The following CALCR variants were observed in gnomAD, a reference collection of about 807,000 sequenced individuals.
CALCR encodes the protein calcitonin receptor.
In CALCR, 47 loss-of-function variants were observed where a neutral mutation model predicts 59.5. That is an observed-to-expected ratio of 0.79 (90% CI 0.63 to 1.01). The LOEUF is 1.01. CALCR is among the 50% of genes least tolerant of loss of function. CALCR has a pLI of 0.00. For missense variants in CALCR, 566 were observed against 597.1 expected (o/e 0.95, Z 0.54); for synonymous variants, 213 against 211.3 (o/e 1.01, Z -0.07).
intron 3 of CALCR, among the ~76,000 whole-genome samples, chr7:93,481,346 A>G (rs1800792382): frequency 6.6e-6 from 1 of 151,748 alleles, no homozygotes; most frequent in African/African-American, 2.4e-5. Context: ...GGGGGCAGCC[A>G]GGAAGTTGAA....
At chr7:93,544,932 T>TCATTTCATGCTGAGCAGCAGGAAAG (rs1789246037) in intron 2 of CALCR, among the ~76,000 whole-genome samples, 1 of 152,176 alleles carries the variant, frequency 6.6e-6, no homozygotes, top group South Asian at 2.1e-4. Context: ...AAGGCCACTG[T>TCATTTCATGCTGAGCAGCAGGAAAG]GCAGCTTTCC....
In CALCR at chr7:93,488,582, G is replaced by GCAAAAAAAAAAAA. The variant is rs770479251; in HGVS notation, c.-26-1576_-26-1575insTTTTTTTTTTTTG. Among the ~76,000 whole-genome samples, 374 of 77,936 alleles carry GCAAAAAAAAAAAA rather than the reference G, an allele frequency of 4.8e-3. 60 individuals carry two copies. The highest frequency in any genetic ancestry group is 8.9e-3 in the Middle Eastern group (1 of 112). 51.1% of individuals were successfully genotyped at this position (77,936 alleles called of 152,430 possible). On this transcript the variant is annotated intron_variant, in intron 2 of 13. Transcript: ENST00000426151. ...GGAAAATTTACCAAGCAAATGGAAA[G>GCAAAAAAAAAAAA]AAAAAAAAAAAAAAAAAAAGCATGG...
intron 2 of CALCR, among the ~76,000 whole-genome samples, chr7:93,503,362 G>A (rs1432046597): frequency 6.6e-6 from 1 of 151,904 alleles, no homozygotes; most frequent in East Asian, 1.9e-4. Flanking sequence ...AACATATCAT[G>A]AATACATATG....
chr7:93,477,587 G>T lies in CALCR; in HGVS notation c.287C>A (p.Pro96Gln). The T allele has an allele frequency of 6.2e-7, 1 of 1,610,694 alleles. No homozygotes were observed. Among genetic ancestry groups the T allele is most frequent in the South Asian group, 1.1e-5 (1 of 90,944 alleles). Residue 96 changes from proline to glutamine, a missense_variant, in exon 5 of 14, where the codon CCA becomes CAA. By Grantham distance (76) the Pro-to-Gln change is moderately conservative. Transcript: ENST00000426151. Reference protein sequence around the residue: ...PAGVLSYQFCPDYFPDFDPSE... With the variant: ...PAGVLSYQFCQDYFPDFDPSE... Reference sequence around the variant, plus strand: ...TGGATCAAAATCCGGAAAATAATCTGGGCAGAACTGATAGGACAATACTCC... The same window carrying T: ...TGGATCAAAATCCGGAAAATAATCTTGGCAGAACTGATAGGACAATACTCC...
At chr7:93,542,319 T>C (rs1306971240) in intron 2 of CALCR, among the ~76,000 whole-genome samples, 1 of 152,200 alleles carries the variant, frequency 6.6e-6, no homozygotes, top group Non-Finnish European at 1.5e-5. Context: ...TGTAACATGA[T>C]GGCAAGTGTT....
intron 2 of CALCR, among the ~76,000 whole-genome samples, chr7:93,524,748 C>G (rs6465387): frequency 0.24 from 36,009 of 151,904 alleles, 9,216 homozygotes; most frequent in African/African-American, 0.63. Context: ...ATATCTGTAT[C>G]TATAATCCTT....
intron 8 of CALCR, among the ~76,000 whole-genome samples, chr7:93,459,895 A>G (rs1366962523): frequency 6.6e-6 from 1 of 152,160 alleles, no homozygotes; most frequent in Non-Finnish European, 1.5e-5. Context: ...GAGGACAGTC[A>G]CCATATTTGC....
In CALCR at chr7:93,438,299, T is replaced by C. The variant is rs771370260; in HGVS notation, c.803-29A>G. On this transcript the variant is annotated intron_variant, in intron 9 of 13. Coordinates refer to ENST00000426151, the MANE Select transcript of CALCR (RefSeq NM_001742.4). ...CAAATGTGAAAAGTACAAATCACAC[T>C]TGGTTTCTTGGTCATAACCTTTAAG... The C allele has an allele frequency of 8.3e-6, 13 of 1,560,878 alleles. No homozygotes were observed. In the South Asian group the frequency reaches 1.4e-4, roughly 17 times the overall value.
At chr7:93,511,491 TA>T (rs1460274135) in intron 2 of CALCR, among the ~76,000 whole-genome samples, 1 of 152,124 alleles carries the variant, frequency 6.6e-6, no homozygotes, top group Non-Finnish European at 1.5e-5. Flanking sequence ...AGTTTTATAA[TA>T]ATCACTTTAT....
rs565507223 is a variant in CALCR at position 93,543,439 on chromosome 7, G to A, written c.-27+30850C>T. Among the ~76,000 whole-genome samples the A allele has an allele frequency of 7.2e-5, 11 of 152,108 alleles. 1 individual carries two copies. Among genetic ancestry groups the A allele is most frequent in the Admixed American group, 3.3e-4 (5 of 15,268 alleles). On this transcript the variant is annotated intron_variant, in intron 2 of 13. Coordinates refer to ENST00000426151, the MANE Select transcript of CALCR (RefSeq NM_001742.4). Reference sequence around the variant, plus strand: ...GGATTACAGGCATGAGTCACCGTGCGTGGCCTGTATATGTTACACTTTTAT... The same window carrying A: ...GGATTACAGGCATGAGTCACCGTGCATGGCCTGTATATGTTACACTTTTAT...
intron 7 of CALCR, chr7:93,462,238 T>G: frequency 1.9e-6 from 1 of 539,332 alleles, no homozygotes; most frequent in Non-Finnish European, 3.2e-6. Flanking sequence ...TTTTAAAAAT[T>G]TAACTTGTTA....
chr7:93,432,751 A>T (rs745344840), intron 13 of CALCR, among the ~76,000 whole-genome samples: 2 of 152,096 alleles, frequency 1.3e-5, no homozygotes, highest in Non-Finnish European at 2.9e-5. Context: ...CTGATTTCTC[A>T]TATTAGCTCT....
At chr7:93,488,373 C>T (rs1216753045) in intron 2 of CALCR, among the ~76,000 whole-genome samples, 2 of 151,406 alleles carry the variant, frequency 1.3e-5, no homozygotes, top group African/African-American at 2.4e-5. Flanking sequence ...AACCAGATAG[C>T]ATCATGATGA....
At chr7:93,530,859 T>A (rs939137111) in intron 2 of CALCR, among the ~76,000 whole-genome samples, 6 of 152,100 alleles carry the variant, frequency 3.9e-5, no homozygotes, top group Admixed American at 6.6e-5. Flanking sequence ...GTTCTCCAAG[T>A]GTGGTCCCTG....
At chr7:93,567,056 G>T (rs1789879247) in intron 2 of CALCR, among the ~76,000 whole-genome samples, 2 of 152,196 alleles carry the variant, frequency 1.3e-5, no homozygotes, top group South Asian at 4.1e-4. Context: ...AGGGCAGAGG[G>T]CTGTTGGGAA....
chr7:93,567,828 T>C (rs981880023), intron 2 of CALCR, among the ~76,000 whole-genome samples: 4 of 152,094 alleles, frequency 2.6e-5, no homozygotes, highest in African/African-American at 9.7e-5. Context: ...CTGAGAATGA[T>C]GGTTTCCAGC....
At chr7:93,437,994 T>C in intron 11 of CALCR, 66 bp downstream of exon 11, 1 of 1,242,454 alleles carries the variant, frequency 8.0e-7, no homozygotes, top group South Asian at 1.2e-5. Context: ...TACATAGAAC[T>C]ATATACACAG....
intron 2 of CALCR, among the ~76,000 whole-genome samples, chr7:93,570,323 T>A (rs1468052800): frequency 6.6e-6 from 1 of 152,130 alleles, no homozygotes; most frequent in East Asian, 1.9e-4. Context: ...GACTGAATAT[T>A]AGGAGAATAA....
At chr7:93,445,202 T>C (rs1799985206) in intron 8 of CALCR, among the ~76,000 whole-genome samples, 1 of 151,962 alleles carries the variant, frequency 6.6e-6, no homozygotes, top group African/African-American at 2.4e-5. Context: ...CTGGCTTCCC[T>C]CCCCGCCATC....
Sources: allele counts gnomAD v4.1 joint callset (sites outside exome capture counted in the v4.1 genomes callset), GRCh38; gene constraint gnomAD v4.1.1; transcripts MANE v1.5; gene names NCBI Gene and HGNC (gene_info 2026-07-23, HGNC 2026-07-21).